Variants in RASAL2 observed in about 807,000 individuals in gnomAD.
RASAL2 encodes the protein RAS protein activator like 2, also known as ras GTPase-activating protein nGAP.
RASAL2 carries 58 observed loss-of-function variants against 128.9 expected under a neutral mutation model. That is an observed-to-expected ratio of 0.45 (90% CI 0.36 to 0.56). The LOEUF (loss-of-function observed/expected upper bound fraction) is 0.56, where lower values mean the gene tolerates loss of function less well. Among genes scored for constraint, RASAL2 ranks in the 20% least tolerant of loss-of-function variants. RASAL2 has a pLI of 0.00. For synonymous variants in RASAL2, 561 were observed against 580.8 expected (o/e 0.97, Z 0.49); for missense variants, 1,360 against 1,601.6 (o/e 0.85, Z 2.57).
rs775161081 is a variant in RASAL2 at position 178,420,535 on chromosome 1, G to T, written c.589G>T (p.Gly197Cys). 1 of 1,611,956 alleles carries T rather than the reference G, an allele frequency of 6.2e-7. No individual in the cohort carries two copies. The highest frequency in any genetic ancestry group is 1.1e-5 in the South Asian group (1 of 90,748). ...GGGATTCTTCAGCAAGCGCCTGAAA[G>T]GCTCCATCAAGAGGACCAAAAGCCA... ...VPGFFSKRLK[G>C]SIKRTKSQSK... The change falls in exon 5 of 18, where the codon GGC becomes TGC. Residue 197 changes from glycine (G) to cysteine (C), a missense_variant. This residue lies in a region of RASAL2 where 617 missense variants were observed against 714.2 expected (regional missense o/e 0.86). Transcript: ENST00000367649.
At chr1:178,134,007 TA>T (rs1660217238) in intron 1 of RASAL2, among the ~76,000 whole-genome samples, 6 of 152,160 alleles carry the variant, frequency 3.9e-5, no homozygotes, top group Non-Finnish European at 7.4e-5. Flanking sequence ...GAGAGATACT[TA>T]AATTTTTTAT....
At chr1:178,212,665 T>C (rs1663293502) in intron 1 of RASAL2, among the ~76,000 whole-genome samples, 1 of 152,118 alleles carries the variant, frequency 6.6e-6, no homozygotes, top group Non-Finnish European at 1.5e-5. Flanking sequence ...CTAATTTTTG[T>C]ATTTTTAGTA....
intron 1 of RASAL2, among the ~76,000 whole-genome samples, chr1:178,105,853 T>C (rs1659069500): frequency 6.6e-6 from 1 of 152,084 alleles, no homozygotes; most frequent in Non-Finnish European, 1.5e-5. Flanking sequence ...TTTGTTTACT[T>C]TTTGTAGAGA....
intron 1 of RASAL2, among the ~76,000 whole-genome samples, chr1:178,211,365 C>T (rs1231753304): frequency 6.6e-6 from 1 of 152,152 alleles, no homozygotes; most frequent in Non-Finnish European, 1.5e-5. Context: ...TAATTTCCTG[C>T]TCGTTGCCAG....
intron 3 of RASAL2, among the ~76,000 whole-genome samples, chr1:178,329,815 C>T (rs1444276819): frequency 6.6e-6 from 1 of 151,740 alleles, no homozygotes; most frequent in Non-Finnish European, 1.5e-5. Flanking sequence ...CACTGTGCTC[C>T]AGCCTGGGTG....
At position 178,477,189 on chromosome 1, in the gene RASAL2, C is replaced by T. The variant is rs1648735901; in HGVS notation, c.*3950C>T. On this transcript the variant is annotated 3_prime_UTR_variant, in exon 18 of 18. Transcript: ENST00000367649. ...AGGGCTCCCTTCTCCATTCTCCTTC[C>T]CTTTTTCAAGTCTAATAGTGAAATC... 6.6e-6 allele frequency: 1 copy of T among 152,212 alleles called. No individual in the cohort carries two copies. Among genetic ancestry groups the T allele is most frequent in the African/African-American group, 2.4e-5 (1 of 41,426 alleles). The allele number at this position is 152,212 out of a possible 1,614,324, so 9.4% of individuals were successfully genotyped here.
In RASAL2 at chr1:178,478,416, A is replaced by G. The variant is rs981730025; in HGVS notation, c.*5177A>G. On this transcript the variant is annotated 3_prime_UTR_variant, in exon 18 of 18. Coordinates refer to ENST00000367649, the MANE Select transcript of RASAL2 (RefSeq NM_170692.4). ...GTTAAATTTTGACTGGTGCTTAGACATTTCCTAGTTATATTAACTTAAGCA... is the reference window on the plus strand; with the variant it reads ...GTTAAATTTTGACTGGTGCTTAGACGTTTCCTAGTTATATTAACTTAAGCA... 4.6e-5 allele frequency: 7 copies of G among 152,198 alleles called. No individual in the cohort carries two copies. Among genetic ancestry groups the G allele is most frequent in the African/African-American group, 1.7e-4 (7 of 41,458 alleles). 9.4% of individuals were successfully genotyped at this position (152,198 alleles called of 1,614,324 possible). A position where few individuals can be genotyped will look rare whatever the true frequency, so the allele number is the denominator to read the frequency against.
At chr1:178,282,286 G>A (rs180753099) in intron 1 of RASAL2, among the ~76,000 whole-genome samples, 1 of 152,274 alleles carries the variant, frequency 6.6e-6, no homozygotes. Context: ...TAGCCTTAGA[G>A]AGGACAGGAA....
chr1:178,134,683 C>G (rs1295283737), intron 1 of RASAL2, among the ~76,000 whole-genome samples: 1 of 152,108 alleles, frequency 6.6e-6, no homozygotes, highest in East Asian at 1.9e-4. Flanking sequence ...AGATCAATTG[C>G]AGACAAGAGC....
chr1:178,133,770 TAA>T (rs1660209134), intron 1 of RASAL2, among the ~76,000 whole-genome samples: 2 of 152,210 alleles, frequency 1.3e-5, no homozygotes, highest in South Asian at 4.1e-4. Flanking sequence ...GTAATAGTGC[TAA>T]GTTTGTCAGT....
At chr1:178,181,798 G>T (rs1662120853) in intron 1 of RASAL2, among the ~76,000 whole-genome samples, 2 of 150,466 alleles carry the variant, frequency 1.3e-5, no homozygotes, top group African/African-American at 2.4e-5. Context: ...TTTAATCATA[G>T]TTAGACTCAG....
Position 178,422,482 on chromosome 1 carries a change from C to G in RASAL2, c.674+1862C>G, listed in dbSNP as rs190833808. ...ACTCCATTTGAATTGTAGAGATTTC[C>G]TATACAGAAATTTTTCAAAAAACTT... On this transcript the variant is annotated intron_variant, in intron 5 of 17. Coordinates refer to ENST00000367649, the MANE Select transcript of RASAL2 (RefSeq NM_170692.4). Among the ~76,000 whole-genome samples, 558 of 152,128 alleles carry G rather than the reference C, an allele frequency of 3.7e-3. 2 individuals are homozygous for G. The highest frequency in any genetic ancestry group is 8.1e-3 in the Admixed American group (124 of 15,280).
intron 3 of RASAL2, among the ~76,000 whole-genome samples, chr1:178,357,117 T>G (rs1203849625): frequency 6.6e-6 from 1 of 152,192 alleles, no homozygotes; most frequent in Non-Finnish European, 1.5e-5. Flanking sequence ...TTGCATTTCA[T>G]ATTTTGATAG....
At chr1:178,332,990 C>T (rs1669406182) in intron 3 of RASAL2, among the ~76,000 whole-genome samples, 1 of 151,850 alleles carries the variant, frequency 6.6e-6, no homozygotes, top group Admixed American at 6.6e-5. Context: ...TTGAATCTGC[C>T]TTTAGTCACT....
chr1:178,272,960 G>A (rs1666327935), intron 1 of RASAL2, among the ~76,000 whole-genome samples: 1 of 151,862 alleles, frequency 6.6e-6, no homozygotes, highest in Non-Finnish European at 1.5e-5. Flanking sequence ...AATATTTGCT[G>A]TAACGACTTG....
chr1:178,288,039 C>T (rs973106477), intron 2 of RASAL2, among the ~76,000 whole-genome samples: 1 of 152,064 alleles, frequency 6.6e-6, no homozygotes, highest in African/African-American at 2.4e-5. Flanking sequence ...GTTTAACAGA[C>T]ATTAAATCAC....
chr1:178,420,473 T>C (rs1203880876), intron 4 of RASAL2, 38 bp from the exon 5 acceptor site: 3 of 1,394,322 alleles, frequency 2.2e-6, no homozygotes, highest in African/African-American at 1.4e-5. Context: ...CATTCCCTTT[T>C]GGTTCTCTCT....
At chr1:178,401,575 AG>A (rs1232165601) in intron 4 of RASAL2, among the ~76,000 whole-genome samples, 2 of 152,192 alleles carry the variant, frequency 1.3e-5, no homozygotes, top group African/African-American at 4.8e-5. Context: ...CAGGAGTTTC[AG>A]GCCGTAGTGC....
At chr1:178,427,069 T>C (rs746918963) in intron 5 of RASAL2, among the ~76,000 whole-genome samples, 3 of 152,110 alleles carry the variant, frequency 2.0e-5, no homozygotes, top group Non-Finnish European at 4.4e-5. Flanking sequence ...ATCAATAGGA[T>C]GTCACAAAGT....
Sources: allele counts gnomAD v4.1 joint callset (sites outside exome capture counted in the v4.1 genomes callset), GRCh38; gene constraint gnomAD v4.1.1; regional missense constraint gnomAD v4.1.1; transcripts MANE v1.5; gene names NCBI Gene and HGNC (gene_info 2026-07-23, HGNC 2026-07-21).